ANXA13: variants seen among roughly 807,000 people sequenced by gnomAD.
ANXA13 encodes annexin XIII.
In ANXA13, 36 loss-of-function variants were observed where a neutral mutation model predicts 46.6. The ratio of observed to expected loss-of-function variants is 0.77; its 90% confidence interval spans 0.59 to 1.02. The LOEUF is 1.02. ANXA13 is among the 50% of genes least tolerant of loss of function. ANXA13 has a pLI of 0.00. For synonymous variants in ANXA13, 163 were observed against 152.9 expected, an observed-to-expected ratio of 1.07 and a Z score of -0.49; for missense variants, 417 against 396.5, an observed-to-expected ratio of 1.05 and a Z score of -0.44.
chr8:123,696,816 T>G (rs1038872173), intron 4 of ANXA13, among the ~76,000 whole-genome samples: 4 of 152,196 alleles, frequency 2.6e-5, no homozygotes, highest in African/African-American at 9.7e-5. Flanking sequence ...TCTATTTGAT[T>G]GATAGAGAGG....
rs772386143 is a variant in ANXA13, at chr8:123,693,286, G to A, written c.553C>T (p.Arg185Cys). 2.2e-5 allele frequency: 35 copies of A among 1,614,004 alleles called. No individual in the cohort carries two copies. In the East Asian group the frequency reaches 7.1e-4, roughly 33 times the overall value. The change falls in exon 8 of 11, where the codon CGC (arginine) becomes TGC (cysteine). Residue 185 changes from arginine to cysteine, a missense_variant. Transcript: ENST00000419625. ...AKDLYDAGEG[R>C]WGTDELAFNE... ...AACGCAAGCTCATCAGTGCCCCAGC[G>A]GCCTTCCCCTGCCTCAAGGGTCAAA...
intron 3 of ANXA13, among the ~76,000 whole-genome samples, chr8:123,701,972 T>C (rs1178540856): frequency 6.6e-6 from 1 of 152,212 alleles, no homozygotes; most frequent in Non-Finnish European, 1.5e-5. Context: ...CATCTTCATC[T>C]TTCTATATAT....
intron 2 of ANXA13, among the ~76,000 whole-genome samples, chr8:123,705,275 G>A (rs1373178387): frequency 6.6e-6 from 1 of 152,174 alleles, no homozygotes; most frequent in African/African-American, 2.4e-5. Flanking sequence ...ACCAGGCTCT[G>A]ATCTCTGCAG....
chr8:123,700,719 CCT>C (rs1430484977), intron 3 of ANXA13, among the ~76,000 whole-genome samples: 2 of 151,804 alleles, frequency 1.3e-5, no homozygotes, highest in Admixed American at 6.6e-5. Context: ...TTTCCTTCTT[CCT>C]CTCTTTCTTT....
At chr8:123,716,068 A>G (rs762501629) in intron 1 of ANXA13, among the ~76,000 whole-genome samples, 17 of 152,036 alleles carry the variant, frequency 1.1e-4, no homozygotes, top group Non-Finnish European at 2.1e-4. Flanking sequence ...ATTGGGACTT[A>G]ATTTTTCCTT....
chr8:123,688,572 G>C (rs531307285), intron 9 of ANXA13, among the ~76,000 whole-genome samples: 31 of 152,236 alleles, frequency 2.0e-4, no homozygotes, highest in Non-Finnish European at 1.5e-5. Context: ...GAGAGAGCTG[G>C]CTTGCCCAAA....
chr8:123,706,245 T>TA (rs902253364), intron 2 of ANXA13, among the ~76,000 whole-genome samples: 4 of 151,890 alleles, frequency 2.6e-5, no homozygotes, highest in South Asian at 2.1e-4. Flanking sequence ...TTATGATTTT[T>TA]AAAAAAAAAC....
chr8:123,705,402 G>A (rs1040956107), intron 2 of ANXA13, among the ~76,000 whole-genome samples: 10 of 152,182 alleles, frequency 6.6e-5, no homozygotes, highest in African/African-American at 1.4e-4. Context: ...GAGACTTCCC[G>A]CAGTTTGGTG....
Position 123,693,293 on chromosome 8 carries a change from C to G in ANXA13, c.546G>C (p.Gly182=). 6.2e-7 allele frequency: 1 copy of G among 1,614,094 alleles called. No individual in the cohort carries two copies. The highest frequency in any genetic ancestry group is 8.5e-7 in the Non-Finnish European group (1 of 1,179,988). ...GQDAKDLYDA[G]EGRWGTDELA... ...GCTCATCAGTGCCCCAGCGGCCTTC[C>G]CCTGCCTCAAGGGTCAAATACAAAC... The change falls in exon 8 of 11, where the codon GGG becomes GGC. Residue 182 remains glycine (G), a synonymous_variant. Coordinates refer to ENST00000419625, the MANE Select transcript of ANXA13 (RefSeq NM_004306.4).
intron 2 of ANXA13, among the ~76,000 whole-genome samples, chr8:123,703,946 A>G (rs764770051): frequency 2.6e-5 from 4 of 152,214 alleles, no homozygotes; most frequent in Non-Finnish European, 4.4e-5. Context: ...GTTGGACTCA[A>G]ATCACAGCTC....
intron 4 of ANXA13, among the ~76,000 whole-genome samples, chr8:123,696,827 C>T (rs1422365798): frequency 6.6e-6 from 1 of 152,176 alleles, no homozygotes; most frequent in Non-Finnish European, 1.5e-5. Context: ...GATAGAGAGG[C>T]CTTGCTTATT....
Position 123,693,304 on chromosome 8 carries a change from G to T in ANXA13, c.541-6C>A. ...CCCCAGCGGCCTTCCCCTGCCTCAA[G>T]GGTCAAATACAAACACTTTGAAAAA... On this transcript the variant is annotated splice_region_variant and splice_polypyrimidine_tract_variant and intron_variant, in intron 7 of 10. Transcript: ENST00000419625. 1 of 1,613,622 alleles carries T rather than the reference G, an allele frequency of 6.2e-7. No individual in the cohort carries two copies. The highest frequency in any genetic ancestry group is 8.5e-7 in the Non-Finnish European group (1 of 1,179,664).
chr8:123,681,302 C>T lies in ANXA13; in HGVS notation c.889G>A (p.Asp297Asn), dbSNP rs543175718. ...CCGGAGGTATCTGAGCGAACCATGT[C>T]AGAGAGAGACTTCTGATACTTCTCT... is the stretch of plus-strand genomic sequence containing the variant. ...FQEKYQKSLSDMVRSDTSGDF... is the reference protein window; with the variant it reads ...FQEKYQKSLSNMVRSDTSGDF... The change falls in exon 11 of 11, where the codon GAC (aspartate) becomes AAC (asparagine). Residue 297 changes from aspartate to asparagine, a missense_variant. Coordinates refer to ENST00000419625, the MANE Select transcript of ANXA13 (RefSeq NM_004306.4). 1.2e-6 allele frequency: 2 copies of T among 1,614,178 alleles called. No individual in the cohort carries two copies. The highest frequency in any genetic ancestry group is 4.5e-5 in the East Asian group (2 of 44,890).
At chr8:123,702,471 A>C (rs1358768313) in intron 3 of ANXA13, among the ~76,000 whole-genome samples, 171 bp downstream of exon 3, 1 of 152,240 alleles carries the variant, frequency 6.6e-6, no homozygotes, top group Non-Finnish European at 1.5e-5. Flanking sequence ...TTAACAAAGC[A>C]ATTTCAGTTT....
intron 4 of ANXA13, among the ~76,000 whole-genome samples, chr8:123,696,550 G>C (rs1813340282): frequency 1.2e-5 from 1 of 85,458 alleles, no homozygotes; most frequent in Non-Finnish European, 3.2e-5. Flanking sequence ...CAGGCTTCCT[G>C]CTCCCCCACC....
At chr8:123,691,190 A>G (rs902824755) in intron 8 of ANXA13, among the ~76,000 whole-genome samples, 3 of 152,208 alleles carry the variant, frequency 2.0e-5, no homozygotes, top group African/African-American at 7.2e-5. Context: ...ACCCTAAGCC[A>G]GGACGACTCA....
intron 1 of ANXA13, among the ~76,000 whole-genome samples, chr8:123,720,992 C>G (rs747382993): frequency 2.6e-5 from 4 of 152,164 alleles, no homozygotes; most frequent in African/African-American, 9.7e-5. Context: ...ATTCATCTTG[C>G]GTAACCAAAA....
chr8:123,693,773 G>C lies in ANXA13; in HGVS notation c.478C>G (p.Arg160Gly), dbSNP rs532899750. ...TTGTCCACGTCATCTCCTTCATTGCGATTAGCCTAGAAAAATTGACACATT... is the reference window on the plus strand; with the variant it reads ...TTGTCCACGTCATCTCCTTCATTGCCATTAGCCTAGAAAAATTGACACATT... ...KILVSLLQAN[R>G]NEGDDVDKDL... Residue 160 changes from arginine (R) to glycine (G), a missense_variant, in exon 7 of 11, where the codon CGC becomes GGC. Transcript: ENST00000419625. 6.2e-7 allele frequency: 1 copy of C among 1,613,800 alleles called. No homozygotes were observed. The highest frequency in any genetic ancestry group is 1.3e-5 in the African/African-American group (1 of 75,010).
At chr8:123,691,888 C>T in intron 8 of ANXA13, among the ~76,000 whole-genome samples, 1 of 152,154 alleles carries the variant, frequency 6.6e-6, no homozygotes, top group Non-Finnish European at 1.5e-5. Context: ...TTCATACACA[C>T]ACACACACGT....
Sources: allele counts gnomAD v4.1 joint callset (sites outside exome capture counted in the v4.1 genomes callset), GRCh38; gene constraint gnomAD v4.1.1; transcripts MANE v1.5; gene names NCBI Gene and HGNC (gene_info 2026-07-23, HGNC 2026-07-21).